The following UBR7 variants were observed in gnomAD, a reference collection of about 807,000 sequenced individuals.
UBR7 encodes the protein putative E3 ubiquitin-protein ligase UBR7.
A neutral mutation model predicts 57.0 loss-of-function variants in UBR7; 22 were observed. That is an observed-to-expected ratio of 0.39 (90% CI 0.28 to 0.55). The LOEUF (loss-of-function observed/expected upper bound fraction) is 0.55. Ranked by LOEUF, UBR7 falls within the 20% of genes least tolerant of loss-of-function variation. The pLI, the probability that UBR7 is intolerant of heterozygous loss-of-function variation, is 0.69. For synonymous variants in UBR7, 167 were observed against 179.8 expected (o/e 0.93, Z 0.57); for missense variants, 395 against 513.2 (o/e 0.77, Z 2.23).
At position 93,218,695 on chromosome 14, in the gene UBR7, G is replaced by C. The variant is rs1290753723; in HGVS notation, c.770G>C (p.Ser257Thr). The part of the protein sequence containing the change: ...DVREVKVEQN[S>T]EPCAGSSSES... ...CGGGAGGTTAAAGTAGAGCAGAACA[G>C]TGAACCATGTGCCGGCTCTAGTTCT... is the stretch of plus-strand genomic sequence containing the variant. Residue 257 changes from serine to threonine, a missense_variant, in exon 7 of 11, where the codon AGT becomes ACT. Coordinates refer to ENST00000013070, the MANE Select transcript of UBR7 (RefSeq NM_175748.4). 6.2e-7 allele frequency: 1 copy of C among 1,614,014 alleles called. No individual in the cohort carries two copies. The highest frequency in any genetic ancestry group is 1.3e-5 in the African/African-American group (1 of 74,900).
intron 8 of UBR7, 72 bp from the exon 9 acceptor site, chr14:93,220,177 G>C: frequency 6.7e-7 from 1 of 1,499,170 alleles, no homozygotes; most frequent in Non-Finnish European, 9.0e-7. Flanking sequence ...CAGGAAATTG[G>C]CTTTCTGAGA....
At position 93,227,323 on chromosome 14, in the gene UBR7, T is replaced by A; in HGVS notation, c.*288T>A. The A allele has an allele frequency of 1.7e-6, 1 of 605,010 alleles. No individual in the cohort carries two copies. The highest frequency in any genetic ancestry group is 2.1e-5 in the Admixed American group (1 of 47,066). The allele number at this position is 605,010 out of a possible 1,614,324, so 37.5% of individuals were successfully genotyped here. On this transcript the variant is annotated 3_prime_UTR_variant, in exon 11 of 11. Coordinates refer to ENST00000013070, the MANE Select transcript of UBR7 (RefSeq NM_175748.4). The stretch of plus-strand genomic sequence containing the variant: ...ATAGTTTTTAAGTTTGATTTTGTTT[T>A]GAGAAAGCAAATTGGTGTCTTGTTT...
At chr14:93,226,914 C>G (rs753292030) in intron 10 of UBR7, 29 bp from the exon 11 acceptor site, 2 of 1,548,188 alleles carry the variant, frequency 1.3e-6, no homozygotes, top group Admixed American at 1.7e-5. Flanking sequence ...ACTTAGTTCT[C>G]TTTCATAATC....
At chr14:93,216,260 G>T (rs1894590132) in intron 6 of UBR7, among the ~76,000 whole-genome samples, 1 of 152,170 alleles carries the variant, frequency 6.6e-6, no homozygotes, top group African/African-American at 2.4e-5. Context: ...TGCCCAGGCT[G>T]GTCTTGAACT....
chr14:93,219,469 A>T, intron 8 of UBR7, 108 bp downstream of exon 8: 1 of 1,425,552 alleles, frequency 7.0e-7, no homozygotes, highest in Non-Finnish European at 9.7e-7. Flanking sequence ...AAGAAAGGAA[A>T]ATAAAAAGAA....
intron 4 of UBR7, among the ~76,000 whole-genome samples, chr14:93,214,597 G>C (rs1337864220): frequency 6.6e-6 from 1 of 152,206 alleles, no homozygotes; most frequent in African/African-American, 2.4e-5. Flanking sequence ...TCCTTATACA[G>C]TAATACAACT....
intron 10 of UBR7, chr14:93,223,790 C>T (rs1008728840): frequency 1.5e-5 from 11 of 736,026 alleles, no homozygotes; most frequent in South Asian, 5.7e-5. Context: ...CGGTGCCAGG[C>T]GCCCATAGAC....
rs1566826440 is a variant in UBR7 at position 93,228,089 on chromosome 14, CTG to C, written c.*1057_*1058del. 2.9e-6 allele frequency: 2 copies of C among 685,068 alleles called. No individual in the cohort carries two copies. The highest frequency in any genetic ancestry group is 5.3e-6 in the Non-Finnish European group (2 of 375,478). The allele number at this position is 685,068 out of a possible 1,614,324, so 42.4% of individuals were successfully genotyped here. The stretch of plus-strand genomic sequence containing the variant: ...GGAGCCCTGTTTTGGAAGAGACAGA[CTG>C]TGGAAGAGATTACAAACAAGGCCCG... On this transcript the variant is annotated 3_prime_UTR_variant, in exon 11 of 11. Coordinates refer to ENST00000013070, the MANE Select transcript of UBR7 (RefSeq NM_175748.4).
At chr14:93,208,563 A>T (rs895124220) in intron 1 of UBR7, among the ~76,000 whole-genome samples, 3 of 142,820 alleles carry the variant, frequency 2.1e-5, no homozygotes, top group African/African-American at 2.6e-5. Flanking sequence ...TCTTTGTGGT[A>T]AAAAAAAAAA....
At chr14:93,209,112 C>G (rs1044905462) in intron 1 of UBR7, among the ~76,000 whole-genome samples, 1 of 152,176 alleles carries the variant, frequency 6.6e-6, no homozygotes, top group African/African-American at 2.4e-5. Context: ...CGTGCCCAGC[C>G]TACATATTCA....
intron 1 of UBR7, among the ~76,000 whole-genome samples, chr14:93,209,287 G>T (rs957859428): frequency 2.0e-5 from 3 of 152,214 alleles, no homozygotes; most frequent in African/African-American, 7.2e-5. Context: ...TGCATGTGTT[G>T]ATTCTTTCTT....
Position 93,226,989 on chromosome 14 carries a change from C to CA in UBR7, c.1238dup (p.Arg414GlufsTer25). 1 of 1,612,694 alleles carries CA rather than the reference C, an allele frequency of 6.2e-7. No homozygotes were observed. The highest frequency in any genetic ancestry group is 8.5e-7 in the Non-Finnish European group (1 of 1,179,356). Reference sequence around the variant, plus strand: ...CAGCAGTTCTTTGAAGAGTTTCAGTCAAAAAAGAGAAGAAGAGTGGATGGG... The same window carrying CA: ...CAGCAGTTCTTTGAAGAGTTTCAGTCAAAAAAAGAGAAGAAGAGTGGATGGG... On this transcript the variant is annotated frameshift_variant, in exon 11 of 11. Coordinates refer to ENST00000013070, the MANE Select transcript of UBR7 (RefSeq NM_175748.4). LOFTEE classifies it high-confidence loss of function.
intron 4 of UBR7, among the ~76,000 whole-genome samples, chr14:93,214,199 T>C (rs1894546760): frequency 6.6e-6 from 1 of 152,240 alleles, no homozygotes; most frequent in Non-Finnish European, 1.5e-5. Context: ...AGTGCTGGGA[T>C]TATAGGCGTG....
chr14:93,211,378 C>CCT lies in UBR7; in HGVS notation c.346-654_346-653insCT, dbSNP rs34114957. ...CTTGGCCATCATGGTGAAACCCCCCCGTACTAAAAATACAAAAAATTATCT... is the reference window on the plus strand; with the variant it reads ...CTTGGCCATCATGGTGAAACCCCCCCCTGTACTAAAAATACAAAAAATTATCT... On this transcript the variant is annotated intron_variant, in intron 3 of 10. Transcript: ENST00000013070. 1.8e-4 allele frequency among the ~76,000 whole-genome samples: 27 copies of CCT among 150,918 alleles called. No individual in the cohort carries two copies. In the East Asian group the frequency reaches 2.0e-3, roughly 11 times the overall value.
In UBR7 at chr14:93,228,216, T is replaced by G; in HGVS notation, c.*1181T>G. 2.0e-6 allele frequency: 1 copy of G among 496,590 alleles called. No individual in the cohort carries two copies. The highest frequency in any genetic ancestry group is 1.5e-5 in the South Asian group (1 of 64,850). The allele number at this position is 496,590 out of a possible 1,614,324, so 30.8% of individuals were successfully genotyped here. ...TTTTTTTGAAGATCCTCATGGAAGG[T>G]TGTACAGAGCCCCACATTTGAGGGG... is the stretch of plus-strand genomic sequence containing the variant. On this transcript the variant is annotated 3_prime_UTR_variant, in exon 11 of 11. Transcript: ENST00000013070.
chr14:93,224,306 G>C (rs1894785799), intron 10 of UBR7, among the ~76,000 whole-genome samples: 1 of 151,460 alleles, frequency 6.6e-6, no homozygotes, highest in Admixed American at 6.6e-5. Flanking sequence ...CTTCTTCTAA[G>C]TGGTTTTCTC....
rs866062003 is a variant in UBR7 at position 93,207,347 on chromosome 14, C to A, written c.56C>A (p.Ser19Ter). 6.4e-7 allele frequency: 1 copy of A among 1,557,530 alleles called. No homozygotes were observed. The highest frequency in any genetic ancestry group is 1.9e-5 in the Admixed American group (1 of 51,776). ...GRQSELEPVV[S>*]LVDVLEEDEE... ...CAGTCGGAGCTGGAGCCCGTGGTAT[C>A]GTTGGTCGACGTCCTTGAGGAGGAC... The change falls in exon 1 of 11, where the codon TCG becomes TAG. Residue 19 changes from serine to a stop codon, truncating the protein, a stop_gained. Transcript: ENST00000013070. LOFTEE classifies it high-confidence loss of function.
chr14:93,217,902 C>T (rs559248375), intron 6 of UBR7, among the ~76,000 whole-genome samples: 1 of 151,618 alleles, frequency 6.6e-6, no homozygotes, highest in East Asian at 1.9e-4. Context: ...TCCAGACCAG[C>T]CTGACCAACA....
chr14:93,208,986 G>C (rs879626258), intron 1 of UBR7, among the ~76,000 whole-genome samples: 8 of 151,954 alleles, frequency 5.3e-5, no homozygotes, highest in Admixed American at 2.0e-4. Flanking sequence ...TTAGTGGATG[G>C]GGTGTTCTAG....
Sources: gnomAD v4.1 joint callset for allele counts (sites outside exome capture counted in the v4.1 genomes callset) on GRCh38, gnomAD v4.1.1 for gene constraint, MANE v1.5 for transcripts, NCBI Gene and HGNC (gene_info 2026-07-23, HGNC 2026-07-21) for gene names.